Variants in CSPP1 observed in about 807,000 individuals in gnomAD.
The protein encoded by CSPP1 is centrosome and spindle pole associated protein 1.
In CSPP1, 126 loss-of-function variants were observed where a neutral mutation model predicts 164.4. The observed-to-expected ratio is 0.77, with a 90% confidence interval of 0.66 to 0.89. The LOEUF (loss-of-function observed/expected upper bound fraction) is 0.89, where lower values mean the gene tolerates loss of function less well. Among genes scored for constraint, CSPP1 ranks in the 40% least tolerant of loss-of-function variants. The pLI is 0.00. For synonymous variants in CSPP1, 472 were observed against 476.7 expected (o/e 0.99, Z 0.13); for missense variants, 1,395 against 1,449.8 (o/e 0.96, Z 0.61).
intron 15 of CSPP1, among the ~76,000 whole-genome samples, chr8:67,122,125 T>C (rs1819090697): frequency 6.6e-6 from 1 of 152,030 alleles, no homozygotes; most frequent in African/African-American, 2.4e-5. Flanking sequence ...TTCTTGTTGG[T>C]CAGTGTAGCT....
chr8:67,179,912 A>G lies in CSPP1; in HGVS notation c.3206A>G (p.Asp1069Gly). 6.4e-7 allele frequency: 1 copy of G among 1,572,332 alleles called. No homozygotes were observed. Among genetic ancestry groups the G allele is most frequent in the South Asian group, 1.1e-5 (1 of 90,024 alleles). ...TTGAAAAACTCATTATTGGAATCTGATAGTGCTTTTATTGGTGAGTATATT... is the reference window on the plus strand; with the variant it reads ...TTGAAAAACTCATTATTGGAATCTGGTAGTGCTTTTATTGGTGAGTATATT... ...DFLKNSLLES[D>G]SAFIGAYGET... Residue 1069 changes from aspartate (D) to glycine (G), a missense_variant, in exon 28 of 31, where the codon GAT becomes GGT. Physicochemically the swap from Asp to Gly is moderately conservative, Grantham distance 94. Transcript: ENST00000678616.
intron 18 of CSPP1, among the ~76,000 whole-genome samples, chr8:67,152,394 CT>C (rs1825883759): frequency 6.6e-6 from 1 of 151,854 alleles, no homozygotes; most frequent in Non-Finnish European, 1.5e-5. Flanking sequence ...ATTATTTTTT[CT>C]TTTATTTTAT....
At chr8:67,111,216 A>G (rs1268585843) in intron 9 of CSPP1, among the ~76,000 whole-genome samples, 1 of 152,212 alleles carries the variant, frequency 6.6e-6, no homozygotes, top group Non-Finnish European at 1.5e-5. Flanking sequence ...CAATAATAAT[A>G]ATCTTCTCTG....
At chr8:67,149,995 C>T (rs1825401416) in intron 18 of CSPP1, 60 bp downstream of exon 18, 1 of 1,329,374 alleles carries the variant, frequency 7.5e-7, no homozygotes, top group African/African-American at 1.9e-5. Context: ...TGTTCAGTAA[C>T]ATTTCTGTTC....
intron 24 of CSPP1, among the ~76,000 whole-genome samples, chr8:67,169,305 C>T (rs1327408563): frequency 6.6e-6 from 1 of 152,138 alleles, no homozygotes; most frequent in Admixed American, 6.5e-5. Context: ...TTACTACCTG[C>T]TATCTATTAA....
intron 15 of CSPP1, among the ~76,000 whole-genome samples, chr8:67,128,304 C>T (rs1051689951): frequency 5.9e-5 from 9 of 151,956 alleles, no homozygotes; most frequent in Non-Finnish European, 1.3e-4. Flanking sequence ...TTTGGGAGGC[C>T]GAGGCGGGTG....
chr8:67,150,205 G>C (rs1204705403), intron 18 of CSPP1, among the ~76,000 whole-genome samples: 4 of 151,952 alleles, frequency 2.6e-5, no homozygotes, highest in African/African-American at 9.7e-5. Context: ...TTTTTATTTT[G>C]CTAGTGGGGG....
chr8:67,122,874 CTGTGTG>C (rs34484092), intron 15 of CSPP1, among the ~76,000 whole-genome samples: 2 of 149,284 alleles, frequency 1.3e-5, no homozygotes, highest in Admixed American at 1.3e-4. Context: ...CAGTCTTGCT[CTGTGTG>C]TGTGTGTGTG....
In CSPP1 at chr8:67,105,896, T is replaced by A. The variant is rs1161675884; in HGVS notation, c.1023-9T>A. 5 of 1,494,956 alleles carry A rather than the reference T, an allele frequency of 3.3e-6. No individual in the cohort carries two copies. The highest frequency in any genetic ancestry group is 4.7e-6 in the Non-Finnish European group (5 of 1,073,904). The allele number at this position is 1,494,956 out of a possible 1,614,324, so 92.6% of individuals were successfully genotyped here. A position where few individuals can be genotyped will look rare whatever the true frequency, so the allele number is the denominator to read the frequency against. Reference sequence around the variant, plus strand: ...AATTTACTCTTTTTCTCTGTCTTTTTTTCTTTAGTGCTCCAGACAATGAAA... The same window carrying A: ...AATTTACTCTTTTTCTCTGTCTTTTATTCTTTAGTGCTCCAGACAATGAAA... On this transcript the variant is annotated splice_polypyrimidine_tract_variant and intron_variant, in intron 8 of 30. Transcript: ENST00000678616.
intron 27 of CSPP1, 80 bp from the exon 28 acceptor site, chr8:67,179,783 T>A: frequency 1.1e-6 from 1 of 913,816 alleles, no homozygotes; most frequent in Admixed American, 1.8e-5. Context: ...GTGTGGAAAC[T>A]TGTGCCTCTT....
rs145289362 is a variant in CSPP1 at position 67,109,135 on chromosome 8, C to T, written c.1094-2837C>T. ...CTCAAAAGGCTATAATCAAGGTATC[C>T]GCCAGGCTGCCTTTTAACCGGAGGC... On this transcript the variant is annotated intron_variant, in intron 9 of 30. Coordinates refer to ENST00000678616, the MANE Select transcript of CSPP1 (RefSeq NM_001382391.1). 1.4e-3 allele frequency among the ~76,000 whole-genome samples: 219 copies of T among 152,304 alleles called. 3 individuals carry two copies. The highest frequency in any genetic ancestry group is 0.012 in the Admixed American group (184 of 15,300).
intron 16 of CSPP1, among the ~76,000 whole-genome samples, chr8:67,133,327 G>A (rs1343807707): frequency 1.3e-5 from 2 of 152,118 alleles, no homozygotes; most frequent in South Asian, 2.1e-4. Flanking sequence ...TTTGTTTTTT[G>A]TGCTTAATAC....
chr8:67,064,688 T>G, intron 1 of CSPP1, 150 bp downstream of exon 1: 2 of 12,148 alleles, frequency 1.6e-4, no homozygotes, highest in South Asian at 4.8e-3. Flanking sequence ...CTCTGGAATC[T>G]GGGGGTGGGG....
At chr8:67,178,079 A>G (rs1832121016) in intron 27 of CSPP1, among the ~76,000 whole-genome samples, 2 of 152,218 alleles carry the variant, frequency 1.3e-5, no homozygotes, top group African/African-American at 4.8e-5. Flanking sequence ...GGCCTGGCAT[A>G]TAAGTTTTAT....
At chr8:67,088,142 T>C (rs1810786013) in intron 4 of CSPP1, among the ~76,000 whole-genome samples, 1 of 152,160 alleles carries the variant, frequency 6.6e-6, no homozygotes. Flanking sequence ...ATATCTACCA[T>C]TTTCTCTTGT....
chr8:67,158,993 A>G lies in CSPP1; in HGVS notation c.2394A>G (p.Gln798=), dbSNP rs1827197461. 6.3e-7 allele frequency: 1 copy of G among 1,592,596 alleles called. No homozygotes were observed. The highest frequency in any genetic ancestry group is 8.5e-7 in the Non-Finnish European group (1 of 1,171,910). ...ATATTTCTCTTTTTATTTTAAAGCA[A>G]AGGCTAAAAAATGAAGAGCATATTC... The part of the protein sequence containing the change: ...QEKKREKEEE[Q]RLKNEEHIRL... The change falls in exon 21 of 31, where the codon CAA becomes CAG. Residue 798 remains glutamine, a splice_region_variant and synonymous_variant. Transcript: ENST00000678616.
At chr8:67,158,619 A>G in intron 20 of CSPP1, 23 bp downstream of exon 20, 2 of 1,554,696 alleles carry the variant, frequency 1.3e-6, no homozygotes, top group Non-Finnish European at 1.7e-6. Context: ...TCCCTATTGT[A>G]TTTTACTACT....
At chr8:67,103,433 T>A (rs181445036) in intron 8 of CSPP1, among the ~76,000 whole-genome samples, 1 of 152,244 alleles carries the variant, frequency 6.6e-6, no homozygotes, top group Admixed American at 6.5e-5. Context: ...GAAATAAGTA[T>A]AATTTAATGG....
chr8:67,089,887 C>T (rs894087018), intron 4 of CSPP1, among the ~76,000 whole-genome samples: 2 of 150,184 alleles, frequency 1.3e-5, no homozygotes, highest in African/African-American at 2.5e-5. Context: ...CTCTTGGGCT[C>T]AAGTGTCCCT....
Sources: allele counts gnomAD v4.1 joint callset (sites outside exome capture counted in the v4.1 genomes callset), GRCh38; gene constraint gnomAD v4.1.1; transcripts MANE v1.5; gene names NCBI Gene and HGNC (gene_info 2026-07-23, HGNC 2026-07-21).